The following RIC1 variants were observed in gnomAD, a reference collection of about 807,000 sequenced individuals.
RIC1 encodes the protein RIC1 partner of RAB6A GEF complex.
RIC1 carries 88 observed loss-of-function variants against 169.0 expected under a neutral mutation model. The observed-to-expected ratio is 0.52, with a 90% CI of 0.44 to 0.62. The LOEUF (loss-of-function observed/expected upper bound fraction) is 0.62. RIC1 is among the 20% of genes least tolerant of loss of function. The pLI is 0.00. For synonymous variants in RIC1, 790 were observed against 601.5 expected, an observed-to-expected ratio of 1.31 and a Z score of -4.59; for missense variants, 1,877 against 1,725.5, an observed-to-expected ratio of 1.09 and a Z score of -1.56.
intron 14 of RIC1, among the ~76,000 whole-genome samples, chr9:5,754,544 C>A (rs758750020): frequency 2.6e-5 from 4 of 152,092 alleles, no homozygotes; most frequent in Non-Finnish European, 5.9e-5. Context: ...GCCTGGCCAA[C>A]ATGACGAAAC....
At chr9:5,759,124 A>G (rs2131072299) in intron 17 of RIC1, among the ~76,000 whole-genome samples, 1 of 152,320 alleles carries the variant, frequency 6.6e-6, no homozygotes, top group East Asian at 1.9e-4. Flanking sequence ...ATTTAATGGT[A>G]ACCAGTTAGT....
At chr9:5,689,937 A>G (rs531130135) in intron 2 of RIC1, 22 bp from the exon 3 acceptor site, 2 of 1,481,384 alleles carry the variant, frequency 1.4e-6, no homozygotes, top group African/African-American at 2.8e-5. Context: ...TTAATTCATG[A>G]TTAATAAAAT....
intron 4 of RIC1, chr9:5,719,356 G>A (rs1004775973): frequency 2.0e-5 from 3 of 152,218 alleles, no homozygotes; most frequent in Non-Finnish European, 4.4e-5. Flanking sequence ...CCCCATTAAA[G>A]AAGTAAATGC....
At chr9:5,767,196 A>T (rs1826834011) in intron 21 of RIC1, among the ~76,000 whole-genome samples, 2 of 152,220 alleles carry the variant, frequency 1.3e-5, no homozygotes, top group South Asian at 4.1e-4. Context: ...ATACTTTTTG[A>T]TATAAATTTA....
intron 1 of RIC1, among the ~76,000 whole-genome samples, chr9:5,640,175 T>C (rs1365386716): frequency 6.6e-6 from 1 of 152,190 alleles, no homozygotes; most frequent in Non-Finnish European, 1.5e-5. Flanking sequence ...TTAGTGAAGG[T>C]GGTTTTCTCT....
At chr9:5,671,209 C>G (rs1820070741) in intron 2 of RIC1, among the ~76,000 whole-genome samples, 1 of 151,670 alleles carries the variant, frequency 6.6e-6, no homozygotes, top group Non-Finnish European at 1.5e-5. Context: ...AGTGACCTTT[C>G]TAAACTATTA....
At chr9:5,718,624 A>T (rs866847408) in intron 4 of RIC1, among the ~76,000 whole-genome samples, 11 of 152,358 alleles carry the variant, frequency 7.2e-5, no homozygotes, top group Admixed American at 2.6e-4. Flanking sequence ...ATTTTGAATT[A>T]CATATTTTCA....
chr9:5,741,427 A>G (rs931474347), intron 8 of RIC1, among the ~76,000 whole-genome samples: 3 of 152,066 alleles, frequency 2.0e-5, no homozygotes, highest in Non-Finnish European at 2.9e-5. Context: ...CCCCTAATCT[A>G]TTTTCTGGAA....
At chr9:5,663,170 T>A (rs185393629) in intron 2 of RIC1, among the ~76,000 whole-genome samples, 32 of 152,310 alleles carry the variant, frequency 2.1e-4, no homozygotes, top group African/African-American at 7.0e-4. Flanking sequence ...CTGAGTGAAT[T>A]TTTTTGAGTG....
intron 2 of RIC1, among the ~76,000 whole-genome samples, chr9:5,682,325 C>A (rs1586938470): frequency 6.6e-6 from 1 of 152,166 alleles, no homozygotes; most frequent in Non-Finnish European, 1.5e-5. Context: ...TTTAGTGCTT[C>A]TTTCAGGAGC....
chr9:5,770,001 G>A (rs1827090394), intron 22 of RIC1, 86 bp from the exon 23 acceptor site: 3 of 1,217,006 alleles, frequency 2.5e-6, no homozygotes, highest in Non-Finnish European at 3.4e-6. Context: ...GGCAGGTAGG[G>A]GAAGCTAAAA....
intron 2 of RIC1, among the ~76,000 whole-genome samples, chr9:5,665,735 C>T (rs983125726): frequency 6.6e-6 from 1 of 152,072 alleles, no homozygotes; most frequent in Non-Finnish European, 1.5e-5. Context: ...CCCTAGTTGC[C>T]TCGATTTTTC....
chr9:5,765,381 T>TA, intron 19 of RIC1, 33 bp from the exon 20 acceptor site: 1 of 1,593,002 alleles, frequency 6.3e-7, no homozygotes, highest in South Asian at 1.1e-5. Flanking sequence ...TTGTGTAGTA[T>TA]AAAAAGAATG....
chr9:5,731,940 T>G (rs1824393938), intron 6 of RIC1, among the ~76,000 whole-genome samples: 1 of 152,182 alleles, frequency 6.6e-6, no homozygotes, highest in African/African-American at 2.4e-5. Flanking sequence ...GTAAGCAATT[T>G]TGCTTCTAAA....
chr9:5,760,270 G>A (rs1236369954), intron 17 of RIC1, among the ~76,000 whole-genome samples: 1 of 152,078 alleles, frequency 6.6e-6, no homozygotes, highest in Non-Finnish European at 1.5e-5. Flanking sequence ...TTAGGATTTT[G>A]GGCATACATG....
chr9:5,732,744 A>C (rs1824446787), intron 7 of RIC1, among the ~76,000 whole-genome samples: 1 of 152,238 alleles, frequency 6.6e-6, no homozygotes, highest in African/African-American at 2.4e-5. Flanking sequence ...CAAGTTAAAC[A>C]GAATAAATCA....
intron 21 of RIC1, among the ~76,000 whole-genome samples, chr9:5,766,308 C>T (rs965525684): frequency 6.6e-6 from 1 of 152,080 alleles, no homozygotes; most frequent in East Asian, 1.9e-4. Context: ...CCCAAAGGGC[C>T]GGGATTACAA....
chr9:5,725,499 A>C (rs148175641), intron 6 of RIC1, among the ~76,000 whole-genome samples: 3,420 of 152,160 alleles, frequency 0.022, 138 homozygotes, highest in African/African-American at 0.077. Context: ...CAGTCTTTTC[A>C]AAAAACCAGC....
Position 5,763,067 on chromosome 9 carries a change from A to G in RIC1, c.2113-73A>G, listed in dbSNP as rs1308353376. On this transcript the variant is annotated intron_variant, in intron 18 of 25. Coordinates refer to ENST00000414202, the MANE Select transcript of RIC1 (RefSeq NM_020829.4). The surrounding 1 kb of genome is among the most constrained non-coding windows in gnomAD (Gnocchi z 5.2). ...TACTATCATTTGAAAGACTTAGTAA[A>G]CTAGTACCTAGGAACTTAAGAACCT... The G allele has an allele frequency of 4.0e-6, 6 of 1,515,892 alleles. No homozygotes were observed. The highest frequency in any genetic ancestry group is 4.4e-6 in the Non-Finnish European group (5 of 1,126,144). The allele number at this position is 1,515,892 out of a possible 1,614,324, so 93.9% of individuals were successfully genotyped here.
Sources: allele counts gnomAD v4.1 joint callset (sites outside exome capture counted in the v4.1 genomes callset), GRCh38; gene constraint gnomAD v4.1.1; non-coding constraint Gnocchi (gnomAD v3.1); transcripts MANE v1.5; gene names NCBI Gene and HGNC (gene_info 2026-07-23, HGNC 2026-07-21).